The following PARD3B variants were observed in gnomAD, a reference collection of about 807,000 sequenced individuals.
PARD3B encodes the protein par-3 family cell polarity regulator beta, also known as partitioning defective 3 homolog B.
A neutral mutation model predicts 130.2 loss-of-function variants in PARD3B; 103 were observed. That is an observed-to-expected ratio of 0.79 (90% confidence interval 0.67 to 0.93). The LOEUF (loss-of-function observed/expected upper bound fraction) is 0.93. Ranked by LOEUF, PARD3B falls within the 40% of genes least tolerant of loss-of-function variation. The pLI, the probability that PARD3B is intolerant of heterozygous loss-of-function variation, is 0.00. For missense variants in PARD3B, 1,609 were observed against 1,499.2 expected, an observed-to-expected ratio of 1.07 and a Z score of -1.21; for synonymous variants, 583 against 553.2, an observed-to-expected ratio of 1.05 and a Z score of -0.76.
At chr2:205,023,749 C>G (rs909557466) in intron 3 of PARD3B, among the ~76,000 whole-genome samples, 3 of 151,844 alleles carry the variant, frequency 2.0e-5, no homozygotes, top group African/African-American at 7.3e-5. Flanking sequence ...TTAGGCTTTT[C>G]TCTTTTAAAG....
rs2040604831 is a variant in PARD3B at position 205,268,632 on chromosome 2, AC to A, written c.2185+22811del. Among the ~76,000 whole-genome samples, 1 of 152,198 alleles carries A rather than the reference AC, an allele frequency of 6.6e-6. No individual in the cohort carries two copies. Among genetic ancestry groups the A allele is most frequent in the Admixed American group, 6.5e-5 (1 of 15,274 alleles). ...TAATTTGCAGATAAAAAGTAAAAAT[AC>A]AGGTCTGGAAGTGGTATATTTAAAA... On this transcript the variant is annotated intron_variant, in intron 16 of 22. Transcript: ENST00000406610. This position sits in a 1 kb window ranked among gnomAD's most constrained non-coding sequence, Gnocchi z 4.1.
chr2:205,238,849 A>AAAAAAAAAT (rs1273582854), intron 15 of PARD3B, among the ~76,000 whole-genome samples: 2 of 76,916 alleles, frequency 2.6e-5, no homozygotes, highest in Non-Finnish European at 2.3e-5. Context: ...AAAAAAAAAA[A>AAAAAAAAAT]ATATATATAT....
rs2035945237 is a variant in PARD3B at position 204,664,550 on chromosome 2, T to C, written c.121-21631T>C. ...TGACATGATAGTAAGTGACATTGCA[T>C]TGTATAAAAAGGATATTTTTATTTA... is the stretch of plus-strand genomic sequence containing the variant. On this transcript the variant is annotated intron_variant, in intron 1 of 22. Coordinates refer to ENST00000406610, the MANE Select transcript of PARD3B (RefSeq NM_001302769.2). This position sits in a 1 kb window ranked among gnomAD's most constrained non-coding sequence, Gnocchi z 5.2. 6.6e-6 allele frequency among the ~76,000 whole-genome samples: 1 copy of C among 152,210 alleles called. No individual in the cohort carries two copies. Among genetic ancestry groups the C allele is most frequent in the Non-Finnish European group, 1.5e-5 (1 of 68,032 alleles).
chr2:204,729,267 A>C (rs903494699), intron 2 of PARD3B, among the ~76,000 whole-genome samples: 1 of 152,200 alleles, frequency 6.6e-6, no homozygotes, highest in Admixed American at 6.5e-5. Context: ...TTCATTGCCA[A>C]ATCTTTTCTA....
intron 2 of PARD3B, among the ~76,000 whole-genome samples, chr2:204,789,740 T>G (rs915867950): frequency 7.9e-5 from 12 of 152,218 alleles, no homozygotes; most frequent in Non-Finnish European, 1.2e-4. Context: ...TTCTTGTCAA[T>G]ATTAGTTTTA....
At position 205,078,331 on chromosome 2, in the gene PARD3B, CGCA is replaced by C. The variant is rs1022657932; in HGVS notation, c.505-26091_505-26089del. ...TATTGTAGGTTCACTCAATGGCTAT[CGCA>C]GCATCATTCTTCATAATTTTTATTA... On this transcript the variant is annotated intron_variant, in intron 4 of 22. Coordinates refer to ENST00000406610, the MANE Select transcript of PARD3B (RefSeq NM_001302769.2). This position sits in a 1 kb window ranked among gnomAD's most constrained non-coding sequence, Gnocchi z 4.0. 1.3e-5 allele frequency among the ~76,000 whole-genome samples: 2 copies of C among 152,136 alleles called. No individual in the cohort carries two copies. The highest frequency in any genetic ancestry group is 2.9e-5 in the Non-Finnish European group (2 of 68,020).
chr2:204,840,641 T>A (rs2044226546), intron 2 of PARD3B, among the ~76,000 whole-genome samples: 2 of 152,128 alleles, frequency 1.3e-5, no homozygotes, highest in African/African-American at 4.8e-5. Flanking sequence ...GTATATTGTA[T>A]GAGGCAAATA....
chr2:205,118,670 T>C (rs770160640), intron 6 of PARD3B, among the ~76,000 whole-genome samples: 3 of 152,210 alleles, frequency 2.0e-5, no homozygotes, highest in African/African-American at 7.2e-5. Flanking sequence ...ATAAGTTTAC[T>C]GCAAGCATGA....
intron 3 of PARD3B, among the ~76,000 whole-genome samples, chr2:204,991,072 C>CT (rs201018710): frequency 0.026 from 3,781 of 145,364 alleles, 83 homozygotes; most frequent in African/African-American, 0.067. Flanking sequence ...AGTTGTCATT[C>CT]TTTTTTTTTT....
intron 2 of PARD3B, among the ~76,000 whole-genome samples, chr2:204,953,260 A>G: frequency 6.6e-6 from 1 of 152,132 alleles, no homozygotes; most frequent in East Asian, 1.9e-4. Flanking sequence ...GCTGAATATA[A>G]TGTGAAATGT....
chr2:205,256,852 G>A (rs914567799), intron 16 of PARD3B, among the ~76,000 whole-genome samples: 6 of 151,312 alleles, frequency 4.0e-5, no homozygotes, highest in Non-Finnish European at 8.9e-5. Context: ...CAGCACAGAA[G>A]TATTTTGGAA....
chr2:205,536,610 A>C (rs2051871976), intron 21 of PARD3B, among the ~76,000 whole-genome samples: 2 of 152,178 alleles, frequency 1.3e-5, no homozygotes, highest in Non-Finnish European at 2.9e-5. Context: ...AGTAAAAGTG[A>C]GTTTCTCATG....
intron 18 of PARD3B, among the ~76,000 whole-genome samples, chr2:205,370,272 C>G (rs139413466): frequency 6.6e-6 from 1 of 152,054 alleles, no homozygotes; most frequent in Non-Finnish European, 1.5e-5. Flanking sequence ...TTTATTTCAC[C>G]AAGTAAAAAC....
intron 4 of PARD3B, chr2:205,103,826 T>C: frequency 1.2e-6 from 1 of 809,438 alleles, no homozygotes; most frequent in Non-Finnish European, 1.5e-6. Flanking sequence ...TCTGACCCTC[T>C]AACCTTTCTG....
At chr2:204,761,185 A>C (rs2040882844) in intron 2 of PARD3B, among the ~76,000 whole-genome samples, 1 of 152,214 alleles carries the variant, frequency 6.6e-6, no homozygotes, top group Non-Finnish European at 1.5e-5. Context: ...GCCAAGGATG[A>C]CTTTCATGGG....
At chr2:205,297,386 A>G (rs2041835035) in intron 16 of PARD3B, among the ~76,000 whole-genome samples, 1 of 152,206 alleles carries the variant, frequency 6.6e-6, no homozygotes, top group African/African-American at 2.4e-5. Context: ...GAAATTGGTG[A>G]GAGTAGGAGT....
At position 204,647,984 on chromosome 2, in the gene PARD3B, AC is replaced by A. The variant is rs552861132; in HGVS notation, c.121-38196del. On this transcript the variant is annotated intron_variant, in intron 1 of 22. Coordinates refer to ENST00000406610, the MANE Select transcript of PARD3B (RefSeq NM_001302769.2). ...TTATAAATATTATGAGTATAATTAT[AC>A]TTTTTAAAGGTTAATTTTTGTGTAT... 2.0e-5 allele frequency among the ~76,000 whole-genome samples: 3 copies of A among 151,652 alleles called. No individual in the cohort carries two copies. The East Asian group carries it at 5.8e-4, about 29-fold the overall frequency.
chr2:205,552,038 C>G (rs947820418), intron 21 of PARD3B, among the ~76,000 whole-genome samples: 1 of 152,162 alleles, frequency 6.6e-6, no homozygotes, highest in Non-Finnish European at 1.5e-5. Context: ...ATACGTGTTA[C>G]GTGTTCATCC....
intron 21 of PARD3B, among the ~76,000 whole-genome samples, chr2:205,517,929 G>A (rs979565468): frequency 6.6e-6 from 1 of 152,088 alleles, no homozygotes; most frequent in Non-Finnish European, 1.5e-5. Flanking sequence ...TATTTTTATT[G>A]CGCTGTGGTC....
Sources: gnomAD v4.1 joint callset for allele counts (sites outside exome capture counted in the v4.1 genomes callset) on GRCh38, gnomAD v4.1.1 for gene constraint, Gnocchi (gnomAD v3.1) non-coding constraint, MANE v1.5 for transcripts, NCBI Gene and HGNC (gene_info 2026-07-23, HGNC 2026-07-21) for gene names.